The following TP53I13 variants were observed in gnomAD, a reference collection of about 807,000 sequenced individuals.
TP53I13 encodes tumor protein p53 inducible protein 13, also known as tumor protein p53-inducible protein 13.
TP53I13 carries 27 observed loss-of-function variants against 39.1 expected under a neutral mutation model. That is an observed-to-expected ratio of 0.69 (90% CI 0.51 to 0.95). The LOEUF (loss-of-function observed/expected upper bound fraction) is 0.95, where lower values mean the gene tolerates loss of function less well. TP53I13 is among the 40% of genes least tolerant of loss of function. TP53I13 has a pLI of 0.00. For missense variants in TP53I13, 544 were observed against 520.4 expected (o/e 1.05, Z -0.44); for synonymous variants, 230 against 224.6 (o/e 1.02, Z -0.22).
chr17:29,567,789 C>G (rs1232756732), upstream of TP53I13, among the ~76,000 whole-genome samples: 1 of 152,152 alleles, frequency 6.6e-6, no homozygotes. This position sits in a 1 kb window ranked among gnomAD's most constrained non-coding sequence, Gnocchi z 6.6. Context: ...GATGCCCGTC[C>G]GACCTACAAG....
downstream of TP53I13, chr17:29,575,172 G>A (rs750836667): frequency 2.5e-6 from 4 of 1,578,380 alleles, no homozygotes; most frequent in Non-Finnish European, 3.5e-6. The surrounding 1 kb of genome is among the most constrained non-coding windows in gnomAD (Gnocchi z 5.5). Context: ...TATAAAGCAG[G>A]GGGCTCTCAA....
At chr17:29,581,125 C>T in the TP53I13 span, 10 of 591,412 alleles carry the variant, frequency 1.7e-5, no homozygotes, top group Admixed American at 5.8e-5. The surrounding 1 kb of genome is among the most constrained non-coding windows in gnomAD (Gnocchi z 4.8). Flanking sequence ...TTGACAGTCA[C>T]GGGGCTCAGG....
chr17:29,566,677 G>C (rs150324138), upstream of TP53I13: 152 of 1,595,956 alleles, frequency 9.5e-5, 1 homozygote, highest in East Asian at 2.9e-3. Flanking sequence ...CCAGGAGCGC[G>C]GGCCGGCCTC....
At chr17:29,576,732 G>C, downstream of TP53I13, 4 of 1,604,442 alleles carry the variant, frequency 2.5e-6, no homozygotes, top group South Asian at 4.4e-5. Flanking sequence ...AACACCCGCA[G>C]GGGGCAGTTA....
chr17:29,575,807 A>G (rs1174740673), downstream of TP53I13: 4 of 1,613,180 alleles, frequency 2.5e-6, no homozygotes, highest in African/African-American at 5.3e-5. The surrounding 1 kb of genome is among the most constrained non-coding windows in gnomAD (Gnocchi z 5.5). Context: ...GCATGGAAAC[A>G]TTACCGTGTG....
chr17:29,566,620 AC>A (rs768087221), upstream of TP53I13: 11 of 1,608,154 alleles, frequency 6.8e-6, no homozygotes, highest in African/African-American at 5.3e-5. Flanking sequence ...CCCAGGCGCT[AC>A]GGGCAGGACG....
chr17:29,568,691 G>A, upstream of TP53I13: 1 of 1,092,614 alleles, frequency 9.2e-7, no homozygotes, highest in Non-Finnish European at 1.1e-6. The surrounding 1 kb of genome is among the most constrained non-coding windows in gnomAD (Gnocchi z 4.5). Flanking sequence ...GGGCTGGAGG[G>A]GCGGGGCGCG....
At position 29,573,040 on chromosome 17, in the gene TP53I13, G is replaced by C. The variant is rs1007858954; in HGVS notation, c.*116G>C. 2 of 823,386 alleles carry C rather than the reference G, an allele frequency of 2.4e-6. No individual in the cohort carries two copies. Among genetic ancestry groups the C allele is most frequent in the Non-Finnish European group, 3.4e-6 (2 of 590,216 alleles). 51.0% of individuals were successfully genotyped at this position (823,386 alleles called of 1,614,324 possible). ...TGGTGGCGATGGCGCGGCACTGGCCGAGCACTGCGGGGGCTTTCCTCCTTG... is the reference window on the plus strand; with the variant it reads ...TGGTGGCGATGGCGCGGCACTGGCCCAGCACTGCGGGGGCTTTCCTCCTTG... On this transcript the variant is annotated 3_prime_UTR_variant, in exon 7 of 7. Transcript: ENST00000301057.
At chr17:29,581,910 C>T in the TP53I13 span, 1 of 1,612,216 alleles carries the variant, frequency 6.2e-7, no homozygotes, top group Non-Finnish European at 8.5e-7. The surrounding 1 kb of genome is among the most constrained non-coding windows in gnomAD (Gnocchi z 4.8). Flanking sequence ...ACACTGCACC[C>T]TTCAGCCGAC....
downstream of TP53I13, chr17:29,575,377 G>A (rs1399757402): frequency 6.2e-7 from 1 of 1,613,338 alleles, no homozygotes; most frequent in Non-Finnish European, 8.5e-7. The surrounding 1 kb of genome is among the most constrained non-coding windows in gnomAD (Gnocchi z 5.5). Context: ...CCTCTGTGCT[G>A]GGAAGCCCAG....
Position 29,572,686 on chromosome 17 carries a change from A to T in TP53I13, c.1058A>T (p.Asp353Val). 6.4e-7 allele frequency: 1 copy of T among 1,557,974 alleles called. No individual in the cohort carries two copies. The highest frequency in any genetic ancestry group is 8.7e-7 in the Non-Finnish European group (1 of 1,151,016). ...IYWGPTADSQ[D>V]TVAAVLKRRL... is the part of the protein sequence containing the mutation. The stretch of plus-strand genomic sequence containing the variant: ...TGGGGGCCCACAGCGGACAGCCAGG[A>T]CACAGTGGCTGGTGAGGAGTTCCCT... The change falls in exon 6 of 7, where the codon GAC becomes GTC. Residue 353 changes from aspartate (D) to valine (V), a missense_variant. By Grantham distance (152) the Asp-to-Val change is radical. Coordinates refer to ENST00000301057, the MANE Select transcript of TP53I13 (RefSeq NM_138349.4).
the TP53I13 span, chr17:29,581,818 C>T: frequency 1.9e-6 from 3 of 1,612,714 alleles, no homozygotes; most frequent in Non-Finnish European, 1.7e-6. The surrounding 1 kb of genome is among the most constrained non-coding windows in gnomAD (Gnocchi z 4.8). Flanking sequence ...TTTCCGCCAG[C>T]TCATGGTGCC....
chr17:29,566,423 G>A (rs751758531), upstream of TP53I13: 2 of 1,612,216 alleles, frequency 1.2e-6, no homozygotes, highest in South Asian at 2.2e-5. Context: ...CCGCGCTCCA[G>A]GGCGAGCAAG....
chr17:29,581,995 C>T, the TP53I13 span: 3 of 1,612,918 alleles, frequency 1.9e-6, no homozygotes, highest in Non-Finnish European at 2.5e-6. The surrounding 1 kb of genome is among the most constrained non-coding windows in gnomAD (Gnocchi z 4.8). Flanking sequence ...ACACTACAAG[C>T]AGCTCGGCCT....
At position 29,572,877 on chromosome 17, in the gene TP53I13, C is replaced by T; in HGVS notation, c.1135C>T (p.Leu379Phe). Reference protein sequence around the residue: ...RVKRSRRRPLLPPTPDSGPEG... With the variant: ...RVKRSRRRPLFPPTPDSGPEG... ...CAAGCGCTCGCGCCGGAGACCCCTC[C>T]TCCCGCCCACGCCGGACAGCGGCCC... The change falls in exon 7 of 7, where the codon CTC becomes TTC. Residue 379 changes from leucine to phenylalanine, a missense_variant. Transcript: ENST00000301057. The T allele has an allele frequency of 2.0e-6, 3 of 1,518,752 alleles. No individual in the cohort carries two copies. Among genetic ancestry groups the T allele is most frequent in the Non-Finnish European group, 2.6e-6 (3 of 1,140,530 alleles). The allele number at this position is 1,518,752 out of a possible 1,614,324, so 94.1% of individuals were successfully genotyped here. A position where few individuals can be genotyped will look rare whatever the true frequency, so the allele number is the denominator to read the frequency against.
chr17:29,575,069 G>T, downstream of TP53I13: 1 of 1,581,878 alleles, frequency 6.3e-7, no homozygotes. The surrounding 1 kb of genome is among the most constrained non-coding windows in gnomAD (Gnocchi z 5.5). Context: ...CCTCTCTTTG[G>T]CCCCTGTACC....
In TP53I13 at chr17:29,573,045, C is replaced by T; in HGVS notation, c.*121C>T. 1.3e-6 allele frequency: 1 copy of T among 770,446 alleles called. No homozygotes were observed. Among genetic ancestry groups the T allele is most frequent in the Admixed American group, 4.4e-5 (1 of 22,946 alleles). The allele number at this position is 770,446 out of a possible 1,614,324, so 47.7% of individuals were successfully genotyped here. ...GCGATGGCGCGGCACTGGCCGAGCA[C>T]TGCGGGGGCTTTCCTCCTTGTTGGT... On this transcript the variant is annotated 3_prime_UTR_variant, in exon 7 of 7. Coordinates refer to ENST00000301057, the MANE Select transcript of TP53I13 (RefSeq NM_138349.4).
chr17:29,580,339 G>T, the TP53I13 span, among the ~76,000 whole-genome samples: 1 of 152,220 alleles, frequency 6.6e-6, no homozygotes, highest in African/African-American at 2.4e-5. Flanking sequence ...TTGGGGTCTG[G>T]AAGAGGTCTG....
chr17:29,579,517 G>A, the TP53I13 span, among the ~76,000 whole-genome samples: 1 of 152,156 alleles, frequency 6.6e-6, no homozygotes. Context: ...AGGCCAAGGT[G>A]GGAGGTTCGC....
Sources: gnomAD v4.1 joint callset for allele counts (sites outside exome capture counted in the v4.1 genomes callset) on GRCh38, gnomAD v4.1.1 for gene constraint, Gnocchi (gnomAD v3.1) non-coding constraint, MANE v1.5 for transcripts, NCBI Gene and HGNC (gene_info 2026-07-23, HGNC 2026-07-21) for gene names.